DCLRE1A: variants seen among roughly 807,000 people sequenced by gnomAD.
The protein encoded by DCLRE1A is DNA cross-link repair 1A.
DCLRE1A carries 64 observed loss-of-function variants against 91.9 expected under a neutral mutation model. That is an observed-to-expected ratio of 0.70 (90% CI 0.57 to 0.86). The LOEUF is 0.86. Among genes scored for constraint, DCLRE1A ranks in the 40% least tolerant of loss-of-function variants. DCLRE1A has a pLI of 0.00. For synonymous variants in DCLRE1A, 416 were observed against 431.1 expected (o/e 0.96, Z 0.43); for missense variants, 1,145 against 1,213.3 (o/e 0.94, Z 0.84).
At position 113,852,878 on chromosome 10, in the gene DCLRE1A, CAG is replaced by C. The variant is rs1380752935; in HGVS notation, c.303_304del (p.Cys102Ter). 14 of 1,614,036 alleles carry C rather than the reference CAG, an allele frequency of 8.7e-6. No homozygotes were observed. Among genetic ancestry groups the C allele is most frequent in the Non-Finnish European group, 9.3e-6 (11 of 1,180,040 alleles). ...CACGTGTTGGCTTTTTTGAGTTCTA[CAG>C]AGTTTTCCTGGAGTAGTTTCCTTGT... is the stretch of plus-strand genomic sequence containing the variant. On this transcript the variant is annotated frameshift_variant, in exon 1 of 9. Coordinates refer to ENST00000361384, the MANE Select transcript of DCLRE1A (RefSeq NM_014881.5). LOFTEE classifies it high-confidence loss of function.
At position 113,850,169 on chromosome 10, in the gene DCLRE1A, G is replaced by T. The variant is rs372393651; in HGVS notation, c.936C>A (p.Ile312=). 1 of 1,614,064 alleles carries T rather than the reference G, an allele frequency of 6.2e-7. No individual in the cohort carries two copies. The highest frequency in any genetic ancestry group is 2.2e-5 in the East Asian group (1 of 44,886). Residue 312 remains isoleucine (I), a synonymous_variant, in exon 2 of 9, where the codon ATC becomes ATA. Transcript: ENST00000361384. ...CTTGTGAATCATCCGGTTTTTCATC[G>T]ATATCATGAGTGTCTTCATCACTTT... ...PLQSDEDTHD[I]DEKPDDSQEQ...
At chr10:113,841,606 GAA>G in intron 6 of DCLRE1A, 46 bp from the exon 7 acceptor site, 1 of 1,531,800 alleles carries the variant, frequency 6.5e-7, no homozygotes, top group East Asian at 2.4e-5. Context: ...TACAGCTTGT[GAA>G]AAAAAGTTAC....
rs1845596464 is a variant in DCLRE1A, at chr10:113,849,214, A to T, written c.1891T>A (p.Ser631Thr). ...CTACATCTCTTTTTTTGACGCTGTG[A>T]CCTCTCACTAGAAAGTTCCACAGAA... ...QLSVELSSER[S>T]QRQKKRCRKS... is the part of the protein sequence containing the mutation. Residue 631 changes from serine to threonine, a missense_variant, in exon 2 of 9, where the codon TCA (serine) becomes ACA (threonine). Physicochemically the swap from Ser to Thr is moderately conservative, Grantham distance 58. Coordinates refer to ENST00000361384, the MANE Select transcript of DCLRE1A (RefSeq NM_014881.5). The T allele has an allele frequency of 6.2e-7, 1 of 1,613,896 alleles. No homozygotes were observed. Among genetic ancestry groups the T allele is most frequent in the Non-Finnish European group, 8.5e-7 (1 of 1,179,974 alleles).
chr10:113,840,863 CAAAT>C (rs766823339), intron 7 of DCLRE1A, among the ~76,000 whole-genome samples: 40 of 152,138 alleles, frequency 2.6e-4, no homozygotes, highest in Non-Finnish European at 2.2e-4. Context: ...ATAAGTCTGA[CAAAT>C]AAGCCCCCAA....
intron 7 of DCLRE1A, among the ~76,000 whole-genome samples, chr10:113,840,229 G>A (rs1845424042): frequency 6.6e-6 from 1 of 151,340 alleles, no homozygotes; most frequent in South Asian, 2.1e-4. Context: ...GGGAGGCAGA[G>A]GTTGCAGTGA....
At position 113,853,304 on chromosome 10, in the gene DCLRE1A, CCCA is replaced by C; in HGVS notation, c.-125_-123del. On this transcript the variant is annotated 5_prime_UTR_variant, in exon 1 of 9. Coordinates refer to ENST00000361384, the MANE Select transcript of DCLRE1A (RefSeq NM_014881.5). ...GAAAAAAAACAAAGGTAACAAAACC[CCCA>C]CCAACTCAATGGGAATCTGCAGTGT... 1.1e-6 allele frequency: 1 copy of C among 937,056 alleles called. No individual in the cohort carries two copies. Among genetic ancestry groups the C allele is most frequent in the Non-Finnish European group, 1.5e-6 (1 of 652,840 alleles). The allele number at this position is 937,056 out of a possible 1,614,324, so 58.0% of individuals were successfully genotyped here.
intron 3 of DCLRE1A, among the ~76,000 whole-genome samples, chr10:113,846,649 C>A (rs1178205912): frequency 6.6e-6 from 1 of 152,050 alleles, no homozygotes; most frequent in Non-Finnish European, 1.5e-5. Context: ...CCTGAGGACA[C>A]CAAAATCTCA....
chr10:113,844,496 G>C (rs1038214672), intron 4 of DCLRE1A, among the ~76,000 whole-genome samples: 2 of 152,172 alleles, frequency 1.3e-5, no homozygotes, highest in African/African-American at 4.8e-5. Context: ...ACTGGCCCTT[G>C]GCTGGCTCCT....
In DCLRE1A at chr10:113,852,889, T is replaced by G. The variant is rs776240542; in HGVS notation, c.294A>C (p.Pro98=). 1 of 1,614,182 alleles carries G rather than the reference T, an allele frequency of 6.2e-7. No homozygotes were observed. The highest frequency in any genetic ancestry group is 1.1e-5 in the South Asian group (1 of 91,084). ...TTTTTTGAGTTCTACAGAGTTTTCC[T>G]GGAGTAGTTTCCTTGTCTTGGGTCT... ...IQQTQDKETT[P]GKLCRTQKSQ... is the part of the protein sequence containing the mutation. The change falls in exon 1 of 9, where the codon CCA becomes CCC. Residue 98 remains proline (P), a synonymous_variant. Coordinates refer to ENST00000361384, the MANE Select transcript of DCLRE1A (RefSeq NM_014881.5).
intron 1 of DCLRE1A, among the ~76,000 whole-genome samples, chr10:113,852,033 T>C (rs1433446075): frequency 6.6e-6 from 1 of 152,010 alleles, no homozygotes; most frequent in Non-Finnish European, 1.5e-5. Context: ...TTCTATGGAG[T>C]TCCATAATAA....
chr10:113,839,498 C>T lies in DCLRE1A; in HGVS notation c.2820+1908G>A, dbSNP rs1284418027. Among the ~76,000 whole-genome samples the T allele has an allele frequency of 2.6e-5, 4 of 151,774 alleles. No homozygotes were observed. The East Asian group carries it at 7.7e-4, about 29-fold the overall frequency. Reference sequence around the variant, plus strand: ...TAAATACATATTTCCATTATCATTGCTAGAATGTTTAATAAACAAATATTA... The same window carrying T: ...TAAATACATATTTCCATTATCATTGTTAGAATGTTTAATAAACAAATATTA... On this transcript the variant is annotated intron_variant, in intron 7 of 8. Transcript: ENST00000361384.
chr10:113,850,910 T>C (rs1293968993), intron 1 of DCLRE1A, among the ~76,000 whole-genome samples: 2 of 152,168 alleles, frequency 1.3e-5, no homozygotes, highest in Admixed American at 6.5e-5. Context: ...ATTGAGAAAC[T>C]TTCTATAAGC....
rs1845445331 is a variant in DCLRE1A, at chr10:113,841,497, C to T, written c.2729G>A (p.Cys910Tyr). ...TGAATTAATTTCTGGTATATTGAGGCACTGTAGAGTTTTATATTTTTCCTG... is the reference window on the plus strand; with the variant it reads ...TGAATTAATTTCTGGTATATTGAGGTACTGTAGAGTTTTATATTTTTCCTG... ...MSQEKYKTLQ[C>Y]LNIPEINSLI... The change falls in exon 7 of 9, where the codon TGC becomes TAC. Residue 910 changes from cysteine (C) to tyrosine (Y), a missense_variant. Cys to Tyr is a radical substitution (Grantham distance 194). Coordinates refer to ENST00000361384, the MANE Select transcript of DCLRE1A (RefSeq NM_014881.5). 3.7e-6 allele frequency: 6 copies of T among 1,613,458 alleles called. No homozygotes were observed. The highest frequency in any genetic ancestry group is 5.1e-6 in the Non-Finnish European group (6 of 1,179,682).
intron 7 of DCLRE1A, among the ~76,000 whole-genome samples, chr10:113,838,128 C>T (rs1190163048): frequency 1.3e-5 from 2 of 152,014 alleles, no homozygotes; most frequent in Non-Finnish European, 2.9e-5. Context: ...AATTACTATG[C>T]ACACCAAAAA....
At chr10:113,843,334 T>C (rs1221739068) in intron 5 of DCLRE1A, among the ~76,000 whole-genome samples, 1 of 152,090 alleles carries the variant, frequency 6.6e-6, no homozygotes, top group South Asian at 2.1e-4. Context: ...AGAATAGAAC[T>C]AGGTAACAAA....
intron 5 of DCLRE1A, 103 bp downstream of exon 5, chr10:113,844,001 C>T: frequency 6.8e-7 from 1 of 1,481,400 alleles, no homozygotes; most frequent in Non-Finnish European, 9.1e-7. Context: ...GATAAAGAGC[C>T]TTAAAATAAT....
In DCLRE1A at chr10:113,848,828, A is replaced by G. The variant is rs564633098; in HGVS notation, c.2125+152T>C. 4 of 730,984 alleles carry G rather than the reference A, an allele frequency of 5.5e-6. No individual in the cohort carries two copies. The East Asian group carries it at 1.0e-4, about 19-fold the overall frequency. The allele number at this position is 730,984 out of a possible 1,614,324, so 45.3% of individuals were successfully genotyped here. A position where few individuals can be genotyped will look rare whatever the true frequency, so the allele number is the denominator to read the frequency against. On this transcript the variant is annotated intron_variant, in intron 2 of 8. Coordinates refer to ENST00000361384, the MANE Select transcript of DCLRE1A (RefSeq NM_014881.5). ...AAAAAATCAAATAGGCAAAAACCAT[A>G]TCTACGTTAGAGGCTCATGAAGTAT...
intron 4 of DCLRE1A, among the ~76,000 whole-genome samples, chr10:113,845,175 AC>A (rs1325229737): frequency 6.6e-6 from 1 of 152,122 alleles, no homozygotes; most frequent in Non-Finnish European, 1.5e-5. Flanking sequence ...TGCTGATAGT[AC>A]TTTATATTAA....
intron 1 of DCLRE1A, among the ~76,000 whole-genome samples, 169 bp downstream of exon 1, chr10:113,852,554 A>C (rs1845671531): frequency 6.6e-6 from 1 of 152,204 alleles, no homozygotes; most frequent in Admixed American, 6.5e-5. Flanking sequence ...ACTGTTTTCT[A>C]GTCTGCCATT....
Sources: allele counts gnomAD v4.1 joint callset (sites outside exome capture counted in the v4.1 genomes callset), GRCh38; gene constraint gnomAD v4.1.1; transcripts MANE v1.5; gene names NCBI Gene and HGNC (gene_info 2026-07-23, HGNC 2026-07-21).